The following LRRC37B variants were observed in gnomAD, a reference collection of about 807,000 sequenced individuals.
LRRC37B encodes leucine-rich repeat-containing protein 37B.
A neutral mutation model predicts 98.3 loss-of-function variants in LRRC37B; 28 were observed. The ratio of observed to expected loss-of-function variants is 0.28; its 90% CI spans 0.21 to 0.39. The LOEUF is 0.39. Among genes scored for constraint, LRRC37B ranks in the 10% least tolerant of loss-of-function variants. The pLI, the probability that LRRC37B is intolerant of heterozygous loss-of-function variation, is 1.00. For synonymous variants in LRRC37B, 364 were observed against 442.7 expected, an observed-to-expected ratio of 0.82 and a Z score of 2.23; for missense variants, 938 against 1,182.7, an observed-to-expected ratio of 0.79 and a Z score of 3.03.
exon 8 of LRRC37B, chr17:32,045,817 T>C (rs764942074): frequency 1.3e-5 from 21 of 1,598,884 alleles, no homozygotes; most frequent in Non-Finnish European, 1.7e-5. Context: ...GCATACATTG[T>C]CGTGAGTCCA....
intron 7 of LRRC37B, among the ~76,000 whole-genome samples, chr17:32,038,464 TTAAATAAGTAAA>T (rs1291523146): frequency 2.0e-5 from 3 of 148,484 alleles, no homozygotes; most frequent in African/African-American, 5.0e-5. Flanking sequence ...ATCTCAAAAA[TTAAATAAGTAAA>T]TAAATAAAAA....
chr17:32,038,911 A>C (rs1183786579), intron 7 of LRRC37B, among the ~76,000 whole-genome samples: 3 of 152,188 alleles, frequency 2.0e-5, no homozygotes, highest in African/African-American at 4.8e-5. Flanking sequence ...GAAGAGCAGA[A>C]GTTTTTAATT....
chr17:32,035,221 G>A (rs1238448252), intron 6 of LRRC37B, among the ~76,000 whole-genome samples: 1 of 152,126 alleles, frequency 6.6e-6, no homozygotes, highest in African/African-American at 2.4e-5. Context: ...TAGACACATG[G>A]AGGAATATTA....
intron 2 of LRRC37B, among the ~76,000 whole-genome samples, chr17:32,026,787 T>C (rs1167535314): frequency 6.6e-6 from 1 of 152,156 alleles, no homozygotes; most frequent in Admixed American, 6.5e-5. Flanking sequence ...GGTTACCTAT[T>C]AGGGTTAGAG....
chr17:32,020,650 T>G, upstream of LRRC37B: 1 of 373,546 alleles, frequency 2.7e-6, no homozygotes, highest in Non-Finnish European at 3.9e-6. Flanking sequence ...AATAAATGAC[T>G]GTAACGCGCG....
upstream of LRRC37B, chr17:32,020,795 C>CA (rs1910747191): frequency 4.8e-6 from 3 of 624,446 alleles, no homozygotes; most frequent in Non-Finnish European, 7.4e-6. Context: ...CTGAAGATCC[C>CA]AAGGCCAGGT....
chr17:32,020,803 G>C, upstream of LRRC37B: 1 of 654,214 alleles, frequency 1.5e-6, no homozygotes, highest in Non-Finnish European at 2.3e-6. Flanking sequence ...CCCAAGGCCA[G>C]GTCCCGTGAC....
chr17:32,046,543 C>T (rs1598214233), intron 8 of LRRC37B, among the ~76,000 whole-genome samples: 1 of 151,604 alleles, frequency 6.6e-6, no homozygotes, highest in Non-Finnish European at 1.5e-5. Flanking sequence ...ATTAATAATG[C>T]TTGGCTACTT....
upstream of LRRC37B, among the ~76,000 whole-genome samples, chr17:32,016,362 T>C (rs1910648562): frequency 6.6e-6 from 1 of 152,230 alleles, no homozygotes; most frequent in South Asian, 2.1e-4. Context: ...TCTTTGGTTC[T>C]CCGTTTTTCT....
At chr17:32,039,524 GT>G (rs2142255363) in intron 7 of LRRC37B, among the ~76,000 whole-genome samples, 1 of 16,456 alleles carries the variant, frequency 6.1e-5, no homozygotes, top group African/African-American at 2.5e-4. Context: ...ATATATATAT[GT>G]ATGTATTTTT....
chr17:32,012,941 C>T (rs758750090), intron 1 of LRRC37B, among the ~76,000 whole-genome samples: 5 of 152,082 alleles, frequency 3.3e-5, no homozygotes, highest in East Asian at 1.9e-4. Context: ...TGCTTGAAGC[C>T]GGGAGGCAGA....
intron 1 of LRRC37B, among the ~76,000 whole-genome samples, chr17:32,015,075 AGCCAAGATT>A (rs1287794416): frequency 1.3e-5 from 2 of 152,202 alleles, no homozygotes; most frequent in Non-Finnish European, 1.5e-5. Flanking sequence ...GGTTGCAGTG[AGCCAAGATT>A]GCACCACTGC....
At chr17:32,011,185 C>T (rs1435932372) in intron 1 of LRRC37B, among the ~76,000 whole-genome samples, 11 of 151,822 alleles carry the variant, frequency 7.2e-5, no homozygotes, top group Admixed American at 2.6e-4. Context: ...TTAGAAGAGA[C>T]GGGGTTTCAC....
chr17:32,046,226 T>C (rs963859615), intron 8 of LRRC37B, among the ~76,000 whole-genome samples: 1 of 151,958 alleles, frequency 6.6e-6, no homozygotes, highest in Admixed American at 6.6e-5. Context: ...GTAGATCCGG[T>C]TTTGTTTTTG....
At chr17:32,035,535 T>C (rs1258929356) in intron 6 of LRRC37B, 30 bp from the exon 10 acceptor site, 7 of 1,592,606 alleles carry the variant, frequency 4.4e-6, no homozygotes, top group Non-Finnish European at 5.2e-6. Flanking sequence ...AATGGGTTCA[T>C]ATCATGAATG....
At chr17:32,033,481 A>T (rs545159470) in intron 5 of LRRC37B, among the ~76,000 whole-genome samples, 10 of 152,192 alleles carry the variant, frequency 6.6e-5, no homozygotes, top group Non-Finnish European at 1.3e-4. Flanking sequence ...TAAGCACGTG[A>T]GTTCAGATTA....
intron 8 of LRRC37B, chr17:32,047,555 T>C: frequency 3.1e-6 from 2 of 652,964 alleles, no homozygotes; most frequent in South Asian, 1.9e-5. Context: ...CACTATGGAA[T>C]GTTCCAAGTA....
intron 11 of LRRC37B, chr17:32,051,480 CA>C (rs552641167): frequency 0.032 from 2,142 of 66,010 alleles, 38 homozygotes; most frequent in African/African-American, 0.089. Context: ...GACTCTGCCT[CA>C]AAAAAAAAAA....
upstream of LRRC37B, among the ~76,000 whole-genome samples, chr17:32,007,664 T>C (rs1910439781): frequency 6.6e-6 from 1 of 151,010 alleles, no homozygotes; most frequent in Non-Finnish European, 1.5e-5. This position sits in a 1 kb window ranked among gnomAD's most constrained non-coding sequence, Gnocchi z 4.1. Flanking sequence ...TGCGGAGCGC[T>C]GCGCCCCGGC....
Sources: gnomAD v4.1 joint callset for allele counts (sites outside exome capture counted in the v4.1 genomes callset) on GRCh38, gnomAD v4.1.1 for gene constraint, Gnocchi (gnomAD v3.1) non-coding constraint, MANE v1.5 for transcripts, NCBI Gene and HGNC (gene_info 2026-07-23, HGNC 2026-07-21) for gene names.